The following RNH1 variants were observed in gnomAD, a reference collection of about 807,000 sequenced individuals.
RNH1 encodes ribonuclease inhibitor.
In RNH1, 38 loss-of-function variants were observed where a neutral mutation model predicts 46.1. That is an observed-to-expected ratio of 0.82 (90% CI 0.64 to 1.08). RNH1 has a LOEUF of 1.08. Among genes scored for constraint, RNH1 ranks in the 50% least tolerant of loss-of-function variants. RNH1 has a pLI of 0.00. For synonymous variants in RNH1, 319 were observed against 279.1 expected, an observed-to-expected ratio of 1.14 and a Z score of -1.43; for missense variants, 577 against 590.7, an observed-to-expected ratio of 0.98 and a Z score of 0.24.
chr11:501,242 C>G lies in RNH1; in HGVS notation c.102-588G>C, dbSNP rs1450950520. The G allele has an allele frequency of 5.0e-6, 1 of 199,276 alleles. No homozygotes were observed. The highest frequency in any genetic ancestry group is 1.1e-5 in the Non-Finnish European group (1 of 95,214). The allele number at this position is 199,276 out of a possible 1,614,324, so 12.3% of individuals were successfully genotyped here. ...CCTGTGACAGGACGCTCCTGGCAGG[C>G]CCCACGGCATCTCCCTGCATTCCTG... On this transcript the variant is annotated intron_variant, in intron 3 of 10. Transcript: ENST00000354420. This position sits in a 1 kb window ranked among gnomAD's most constrained non-coding sequence, Gnocchi z 4.1.
intron 1 of RNH1, chr11:505,501 G>A (rs950416415): frequency 6.6e-6 from 1 of 152,186 alleles, no homozygotes; most frequent in African/African-American, 2.4e-5. Flanking sequence ...TTCTCCTTGG[G>A]AAACTCCAGA....
Position 494,601 on chromosome 11 carries a change from G to A in RNH1, c.*90C>T, listed in dbSNP as rs542547096. On this transcript the variant is annotated 3_prime_UTR_variant, in exon 11 of 11. Transcript: ENST00000354420. ...TCTGAGCGTTTCTCTTCAAACCTAGGATATGCAGGGTGAGAGCATGGCAGG... is the reference window on the plus strand; with the variant it reads ...TCTGAGCGTTTCTCTTCAAACCTAGAATATGCAGGGTGAGAGCATGGCAGG... 25 of 1,086,162 alleles carry A rather than the reference G, an allele frequency of 2.3e-5. No homozygotes were observed. The highest frequency in any genetic ancestry group is 2.8e-5 in the Non-Finnish European group (20 of 716,780). The allele number at this position is 1,086,162 out of a possible 1,614,324, so 67.3% of individuals were successfully genotyped here. A position where few individuals can be genotyped will look rare whatever the true frequency, so the allele number is the denominator to read the frequency against.
intron 4 of RNH1, 76 bp from the exon 5 acceptor site, chr11:500,075 C>T: frequency 6.9e-7 from 1 of 1,443,834 alleles, no homozygotes; most frequent in Admixed American, 2.4e-5. Flanking sequence ...AGCCCAGAGC[C>T]CGGAGCAGCA....
intron 3 of RNH1, 57 bp from the exon 4 acceptor site, chr11:500,711 C>T (rs1565033788): frequency 6.3e-7 from 1 of 1,578,510 alleles, no homozygotes. Context: ...CCTCAGCCTC[C>T]ACCACCACCC....
intron 2 of RNH1, 71 bp downstream of exon 2, chr11:504,753 G>C (rs1163458592): frequency 6.6e-6 from 1 of 152,322 alleles, no homozygotes; most frequent in Non-Finnish European, 1.5e-5. Flanking sequence ...ACCCTCGAGG[G>C]ACCGGCCCCT....
chr11:507,028 C>G (rs1477267401), intron 1 of RNH1, 85 bp downstream of exon 1: 1 of 152,270 alleles, frequency 6.6e-6, no homozygotes, highest in African/African-American at 2.4e-5. Flanking sequence ...CTCAATAGCG[C>G]CAGGCCCGCG....
At chr11:500,256 G>A (rs910507268) in intron 4 of RNH1, 14 of 668,502 alleles carry the variant, frequency 2.1e-5, no homozygotes, top group Admixed American at 8.8e-5. Context: ...TAGGGATGGC[G>A]GGCAGGGCCA....
In RNH1 at chr11:495,033, C is replaced by T. The variant is rs1363464356; in HGVS notation, c.1148G>A (p.Ser383Asn). The T allele has an allele frequency of 1.2e-6, 2 of 1,605,330 alleles. No individual in the cohort carries two copies. Among genetic ancestry groups the T allele is most frequent in the South Asian group, 1.1e-5 (1 of 89,828 alleles). The change falls in exon 10 of 11, where the codon AGT becomes AAT. Residue 383 changes from serine (S) to asparagine (N), a missense_variant. Coordinates refer to ENST00000354420, the MANE Select transcript of RNH1 (RefSeq NM_203387.3). ...GGCGAGGCTGCTGCAGCTGCTGTCA[C>T]TCACATCGCAGTCGGCCAACCTGGG... The part of the protein sequence containing the change: ...RVLWLADCDV[S>N]DSSCSSLAAT...
In RNH1 at chr11:500,667, C is replaced by T. The variant is rs766891383; in HGVS notation, c.102-13G>A. 1 of 1,602,368 alleles carries T rather than the reference C, an allele frequency of 6.2e-7. No homozygotes were observed. Among genetic ancestry groups the T allele is most frequent in the South Asian group, 1.1e-5 (1 of 91,054 alleles). ...ACAGTCGTCCAGCCTGTGAGCAGAC[C>T]CCAGGGTCATGTGGACCACGCAGAC... On this transcript the variant is annotated splice_polypyrimidine_tract_variant and intron_variant, in intron 3 of 10. Coordinates refer to ENST00000354420, the MANE Select transcript of RNH1 (RefSeq NM_203387.3).
At chr11:507,086 C>T (rs1330271242) in intron 1 of RNH1, 27 bp downstream of exon 1, 1 of 152,216 alleles carries the variant, frequency 6.6e-6, no homozygotes, top group Non-Finnish European at 1.5e-5. Flanking sequence ...CCTGGCTAGA[C>T]GCTGACGCAC....
intron 9 of RNH1, among the ~76,000 whole-genome samples, chr11:496,397 T>C (rs914154449): frequency 1.3e-5 from 2 of 152,090 alleles, no homozygotes; most frequent in Admixed American, 1.3e-4. Flanking sequence ...AGGCCAGGCG[T>C]GGTGGCTCAC....
chr11:498,695 G>A (rs1002572564), intron 7 of RNH1, 68 bp from the exon 8 acceptor site: 79 of 1,597,140 alleles, frequency 4.9e-5, no homozygotes, highest in Admixed American at 1.5e-4. Context: ...GCCCAGGGGC[G>A]GGGGAGAGCT....
intron 6 of RNH1, 40 bp from the exon 7 acceptor site, chr11:498,973 C>T: frequency 6.2e-7 from 1 of 1,611,532 alleles, no homozygotes; most frequent in Non-Finnish European, 8.5e-7. Context: ...ACGGGACCCC[C>T]CCTAGCCCAC....
At chr11:506,837 G>C (rs1850315908) in intron 1 of RNH1, 1 of 152,296 alleles carries the variant, frequency 6.6e-6, no homozygotes, top group African/African-American at 2.4e-5. Context: ...CCCCGGGCAA[G>C]GACTTCCGGC....
At chr11:503,663 T>G (rs1849959972) in intron 2 of RNH1, 1 of 152,206 alleles carries the variant, frequency 6.6e-6, no homozygotes. Flanking sequence ...CTGCCCAGGG[T>G]GCACACGCTC....
rs1180030853 is a variant in RNH1, at chr11:497,567, G to A, written c.1127+404C>T. Among the ~76,000 whole-genome samples the A allele has an allele frequency of 9.2e-5, 3 of 32,640 alleles. 1 individual carries two copies. Among genetic ancestry groups the A allele is most frequent in the Middle Eastern group, 0.053 (2 of 38 alleles). 21.4% of individuals were successfully genotyped at this position (32,640 alleles called of 152,430 possible). A position where few individuals can be genotyped will look rare whatever the true frequency, so the allele number is the denominator to read the frequency against. ...TGCTCACTCTCACGTGCTCACACAC[G>A]GACACGTGCTCATTCTTGCCCATGT... is the stretch of plus-strand genomic sequence containing the variant. On this transcript the variant is annotated intron_variant, in intron 9 of 10. Transcript: ENST00000354420.
intron 5 of RNH1, 116 bp downstream of exon 5, chr11:499,713 G>GCCCCTGTGACCTGAGT (rs1849560935): frequency 8.0e-7 from 1 of 1,253,636 alleles, no homozygotes; most frequent in African/African-American, 1.5e-5. Flanking sequence ...GCACCACAAG[G>GCCCCTGTGACCTGAGT]CCCCTGTGAC....
Position 494,649 on chromosome 11 carries a change from C to T in RNH1, c.*42G>A. On this transcript the variant is annotated 3_prime_UTR_variant, in exon 11 of 11. Coordinates refer to ENST00000354420, the MANE Select transcript of RNH1 (RefSeq NM_203387.3). ...AGGGGCTGGTGGGCCCCAGGGTTGCCTCGAGGCCGGTCGTCCAGGGAGAGC... is the reference window on the plus strand; with the variant it reads ...AGGGGCTGGTGGGCCCCAGGGTTGCTTCGAGGCCGGTCGTCCAGGGAGAGC... 1 of 1,597,958 alleles carries T rather than the reference C, an allele frequency of 6.3e-7. No homozygotes were observed. Among genetic ancestry groups the T allele is most frequent in the Non-Finnish European group, 8.6e-7 (1 of 1,166,926 alleles).
rs1400025406 is a variant in RNH1 at position 499,148 on chromosome 11, G to T, written c.481C>A (p.Pro161Thr). 1 of 1,612,884 alleles carries T rather than the reference G, an allele frequency of 6.2e-7. No homozygotes were observed. Among genetic ancestry groups the T allele is most frequent in the Non-Finnish European group, 8.5e-7 (1 of 1,179,966 alleles). The part of the protein sequence containing the change: ...YCSLSAASCE[P>T]LASVLRAKPD... ...TTGGCCCTGAGCACGGAGGCCAGGG[G>T]CTCGCAGCTGGCAGCCGAGAGGCTG... is the stretch of plus-strand genomic sequence containing the variant. Residue 161 changes from proline (P) to threonine (T), a missense_variant, in exon 6 of 11, where the codon CCC becomes ACC. Transcript: ENST00000354420.
Sources: gnomAD v4.1 joint callset for allele counts (sites outside exome capture counted in the v4.1 genomes callset) on GRCh38, gnomAD v4.1.1 for gene constraint, Gnocchi (gnomAD v3.1) non-coding constraint, MANE v1.5 for transcripts, NCBI Gene and HGNC (gene_info 2026-07-23, HGNC 2026-07-21) for gene names.